Variants in ATAD2B observed in about 807,000 individuals in gnomAD.
ATAD2B encodes the protein ATPase family AAA domain containing 2B.
ATAD2B carries 40 observed loss-of-function variants against 167.6 expected under a neutral mutation model. That is an observed-to-expected ratio of 0.24 (90% confidence interval 0.19 to 0.31). The LOEUF (loss-of-function observed/expected upper bound fraction) is 0.31, where lower values mean the gene tolerates loss of function less well. Among genes scored for constraint, ATAD2B ranks in the 10% least tolerant of loss-of-function variants. The pLI is 1.00. For synonymous variants in ATAD2B, 579 were observed against 596.5 expected (o/e 0.97, Z 0.43); for missense variants, 1,242 against 1,757.2 (o/e 0.71, Z 5.24).
chr2:23,752,272 C>A (rs1470040647), intron 27 of ATAD2B, among the ~76,000 whole-genome samples, 185 bp from the exon 28 acceptor site: 6 of 151,830 alleles, frequency 4.0e-5, no homozygotes, highest in Non-Finnish European at 8.8e-5. Flanking sequence ...CCAAGTACCT[C>A]CTATTTTATA....
chr2:23,814,566 A>C (rs1172821123), intron 17 of ATAD2B, among the ~76,000 whole-genome samples: 1 of 152,188 alleles, frequency 6.6e-6, no homozygotes, highest in Non-Finnish European at 1.5e-5. Context: ...TGTGCAAAGG[A>C]CCAACAGTTA....
chr2:23,775,020 C>T (rs764837083), intron 22 of ATAD2B, among the ~76,000 whole-genome samples: 5 of 151,984 alleles, frequency 3.3e-5, no homozygotes, highest in Non-Finnish European at 5.9e-5. Context: ...CAATCAGCTT[C>T]GAGTCTAAAA....
chr2:23,692,411 C>T, the ATAD2B span, among the ~76,000 whole-genome samples: 4 of 152,350 alleles, frequency 2.6e-5, no homozygotes, highest in African/African-American at 4.8e-5. Context: ...GCTGCCTTTA[C>T]GCTTGATGCT....
chr2:23,782,499 C>G (rs1026388447), intron 22 of ATAD2B, among the ~76,000 whole-genome samples: 1 of 152,124 alleles, frequency 6.6e-6, no homozygotes, highest in Non-Finnish European at 1.5e-5. Context: ...GATAACATTC[C>G]ACATAAAAGG....
chr2:23,862,476 T>C (rs1347260313), intron 12 of ATAD2B, among the ~76,000 whole-genome samples: 1 of 143,532 alleles, frequency 7.0e-6, no homozygotes, highest in Admixed American at 7.3e-5. Context: ...AGTGGTGTCA[T>C]AATCGCTCAC....
At chr2:23,904,770 C>T (rs1235015611) in intron 1 of ATAD2B, among the ~76,000 whole-genome samples, 1 of 152,054 alleles carries the variant, frequency 6.6e-6, no homozygotes, top group Admixed American at 6.5e-5. Flanking sequence ...TTTTTGTATA[C>T]TTTTTTTCTT....
At chr2:23,679,290 C>T in the ATAD2B span, among the ~76,000 whole-genome samples, 1 of 152,226 alleles carries the variant, frequency 6.6e-6, no homozygotes, top group Non-Finnish European at 1.5e-5. Flanking sequence ...CAATCTAGGT[C>T]AGGCCTGGCT....
chr2:23,879,126 T>C (rs78541093), intron 7 of ATAD2B, among the ~76,000 whole-genome samples: 12,551 of 152,186 alleles, frequency 0.082, 627 homozygotes, highest in South Asian at 0.12. Context: ...AACCCAGCCT[T>C]TCTACTCCTT....
chr2:23,724,090 A>G, the ATAD2B span, among the ~76,000 whole-genome samples: 4 of 152,198 alleles, frequency 2.6e-5, no homozygotes, highest in Non-Finnish European at 5.9e-5. Context: ...ATGAAAACGA[A>G]AAGTAGAATA....
intron 22 of ATAD2B, among the ~76,000 whole-genome samples, chr2:23,778,622 T>C (rs1354931428): frequency 1.3e-5 from 2 of 152,216 alleles, no homozygotes; most frequent in African/African-American, 2.4e-5. Context: ...ACTCTTATCA[T>C]GTCCCAGCTA....
intron 1 of ATAD2B, among the ~76,000 whole-genome samples, chr2:23,923,675 G>GA (rs1264080792): frequency 2.0e-5 from 3 of 148,386 alleles, no homozygotes. Flanking sequence ...TTTTCATACC[G>GA]AAAAAAAGAA....
At chr2:23,739,029 G>T in the ATAD2B span, among the ~76,000 whole-genome samples, 1 of 152,108 alleles carries the variant, frequency 6.6e-6, no homozygotes, top group Non-Finnish European at 1.5e-5. Flanking sequence ...ACCCAATACA[G>T]GAGCACCCAG....
chr2:23,777,149 C>G (rs1679269929), intron 22 of ATAD2B, among the ~76,000 whole-genome samples: 1 of 152,066 alleles, frequency 6.6e-6, no homozygotes, highest in African/African-American at 2.4e-5. Flanking sequence ...CCACCATCTG[C>G]AAGCCAAGAA....
chr2:23,760,280 A>G (rs1676484580), intron 24 of ATAD2B, among the ~76,000 whole-genome samples: 1 of 152,202 alleles, frequency 6.6e-6, no homozygotes, highest in African/African-American at 2.4e-5. Flanking sequence ...CCACAAGAAG[A>G]GATTTTTGTT....
intron 2 of ATAD2B, among the ~76,000 whole-genome samples, chr2:23,892,411 G>A (rs1011967102): frequency 6.6e-6 from 1 of 151,542 alleles, no homozygotes; most frequent in Non-Finnish European, 1.5e-5. Context: ...TGATCCGCCC[G>A]CCTCGGCCTC....
intron 2 of ATAD2B, among the ~76,000 whole-genome samples, chr2:23,891,742 C>T (rs540111135): frequency 6.9e-4 from 105 of 151,872 alleles, no homozygotes; most frequent in African/African-American, 1.9e-3. Context: ...CCCCCCGCCC[C>T]GACCCCCACC....
intron 19 of ATAD2B, among the ~76,000 whole-genome samples, chr2:23,795,660 A>C (rs572814127): frequency 3.8e-4 from 58 of 152,152 alleles, no homozygotes; most frequent in African/African-American, 1.2e-3. Flanking sequence ...GTGGGAGATC[A>C]CCTGAGGTCA....
the ATAD2B span, among the ~76,000 whole-genome samples, chr2:23,741,018 A>G: frequency 4.6e-5 from 7 of 152,052 alleles, no homozygotes; most frequent in South Asian, 2.1e-4. Context: ...CCTCTTCAAG[A>G]AGAACTACAA....
At chr2:23,709,036 T>G in the ATAD2B span, among the ~76,000 whole-genome samples, 4 of 151,866 alleles carry the variant, frequency 2.6e-5, no homozygotes, top group Admixed American at 6.6e-5. Context: ...TTTTCTTTTC[T>G]TTTCTTTTTT....
Sources: allele counts gnomAD v4.1 joint callset (sites outside exome capture counted in the v4.1 genomes callset), GRCh38; gene constraint gnomAD v4.1.1; transcripts MANE v1.5; gene names NCBI Gene and HGNC (gene_info 2026-07-23, HGNC 2026-07-21).